DLG2: variants seen among roughly 807,000 people sequenced by gnomAD.
DLG2 encodes discs large MAGUK scaffold protein 2, also known as disks large homolog 2.
DLG2 carries 45 observed loss-of-function variants against 132.5 expected under a neutral mutation model. That is an observed-to-expected ratio of 0.34 (90% CI 0.27 to 0.44). DLG2 has a LOEUF of 0.44. Among genes scored for constraint, DLG2 ranks in the 20% least tolerant of loss-of-function variants. DLG2 has a pLI of 1.00. For synonymous variants in DLG2, 424 were observed against 419.6 expected, an observed-to-expected ratio of 1.01 and a Z score of -0.13; for missense variants, 1,045 against 1,196.9, an observed-to-expected ratio of 0.87 and a Z score of 1.87.
At chr11:85,239,577 T>G (rs1416165692) in intron 4 of DLG2, among the ~76,000 whole-genome samples, 1 of 152,064 alleles carries the variant, frequency 6.6e-6, no homozygotes, top group South Asian at 2.1e-4. Flanking sequence ...ATAAGTGGAC[T>G]CATGCAGTGC....
intron 7 of DLG2, among the ~76,000 whole-genome samples, chr11:84,428,209 C>T (rs149070547): frequency 9.7e-4 from 148 of 152,282 alleles, no homozygotes; most frequent in African/African-American, 3.4e-3. Flanking sequence ...CCTCTCATAG[C>T]TCCTTCAAAA....
chr11:85,495,576 A>G (rs1477880523), intron 3 of DLG2, among the ~76,000 whole-genome samples: 3 of 152,194 alleles, frequency 2.0e-5, no homozygotes, highest in Non-Finnish European at 4.4e-5. Context: ...CAAAACCACA[A>G]TGAGATACCA....
intron 6 of DLG2, among the ~76,000 whole-genome samples, chr11:84,556,857 T>C (rs907609296): frequency 6.6e-6 from 1 of 152,236 alleles, no homozygotes; most frequent in African/African-American, 2.4e-5. Context: ...CTAAGGATAA[T>C]GGCCCTACAT....
chr11:85,275,078 A>G (rs1194328666), intron 4 of DLG2, among the ~76,000 whole-genome samples: 1 of 152,162 alleles, frequency 6.6e-6, no homozygotes, highest in Non-Finnish European at 1.5e-5. Context: ...ATAAATTTGT[A>G]TGCCTTTTCT....
chr11:84,187,426 C>T (rs1189587173), intron 8 of DLG2, among the ~76,000 whole-genome samples: 3 of 151,940 alleles, frequency 2.0e-5, no homozygotes, highest in Non-Finnish European at 2.9e-5. Context: ...AGGTAGTGTA[C>T]TTGTGTGGAT....
Position 83,713,912 on chromosome 11 carries a change from A to G in DLG2, c.1825+72778T>C, listed in dbSNP as rs192632884. Among the ~76,000 whole-genome samples the G allele has an allele frequency of 3.5e-4, 53 of 152,284 alleles. No individual in the cohort carries two copies. The East Asian group carries it at 9.9e-3, about 28-fold the overall frequency. ...TGAAAAGAGCATTGGCTAGGAACAC[A>G]GATGTCTTTTCAGCAGAGAATTAGG... is the stretch of plus-strand genomic sequence containing the variant. On this transcript the variant is annotated intron_variant, in intron 18 of 27. Transcript: ENST00000376104.
intron 4 of DLG2, among the ~76,000 whole-genome samples, chr11:85,176,763 CA>C (rs1284064969): frequency 2.0e-5 from 3 of 151,792 alleles, no homozygotes; most frequent in African/African-American, 7.3e-5. Flanking sequence ...AACAAATTTA[CA>C]AGAAAAAACA....
In DLG2 at chr11:85,083,870, G is replaced by A. The variant is rs554951683; in HGVS notation, c.357+27791C>T. Among the ~76,000 whole-genome samples the A allele has an allele frequency of 4.6e-3, 694 of 152,138 alleles. 4 individuals are homozygous for A. Among genetic ancestry groups the A allele is most frequent in the Non-Finnish European group, 7.2e-3 (490 of 67,988 alleles). ...TGTGCCTAAATTCTAAGGGGAGGAA[G>A]GTATAATGGGGCATGTTGACCACCC... On this transcript the variant is annotated intron_variant, in intron 6 of 27. Coordinates refer to ENST00000376104, the MANE Select transcript of DLG2 (RefSeq NM_001142699.3).
chr11:85,479,774 G>A (rs1483848115), intron 3 of DLG2, among the ~76,000 whole-genome samples: 1 of 152,174 alleles, frequency 6.6e-6, no homozygotes, highest in East Asian at 1.9e-4. Flanking sequence ...TATCAGTAGT[G>A]TTGGTTTCTC....
At chr11:83,466,914 G>A (rs2091138367) in intron 25 of DLG2, 97 bp from the exon 26 acceptor site, 1 of 766,220 alleles carries the variant, frequency 1.3e-6, no homozygotes, top group South Asian at 1.6e-5. Flanking sequence ...GAGGAAGGTA[G>A]GGGATGCTGG....
At chr11:83,854,565 A>C (rs895294564) in intron 16 of DLG2, among the ~76,000 whole-genome samples, 5 of 152,242 alleles carry the variant, frequency 3.3e-5, no homozygotes, top group African/African-American at 7.2e-5. Context: ...AAATAGGTAG[A>C]CACAGACATT....
chr11:84,646,023 G>A (rs1454400162), intron 6 of DLG2, among the ~76,000 whole-genome samples: 3 of 152,144 alleles, frequency 2.0e-5, no homozygotes, highest in East Asian at 1.9e-4. Context: ...CTGAGAAGGG[G>A]GCCAGCTCTG....
chr11:85,119,952 CT>C lies in DLG2; in HGVS notation c.283-8218del, dbSNP rs757651611. On this transcript the variant is annotated intron_variant, in intron 5 of 27. Coordinates refer to ENST00000376104, the MANE Select transcript of DLG2 (RefSeq NM_001142699.3). Reference sequence around the variant, plus strand: ...AGAATAAAGAATTTTAAAAGTTGAGCTTTTGATAAGACATAATTACAACCTA... The same window carrying C: ...AGAATAAAGAATTTTAAAAGTTGAGCTTTGATAAGACATAATTACAACCTA... Among the ~76,000 whole-genome samples the C allele has an allele frequency of 2.0e-5, 3 of 151,922 alleles. No homozygotes were observed. In the East Asian group the frequency reaches 5.8e-4, roughly 29 times the overall value.
chr11:84,479,139 T>C (rs10898242), intron 7 of DLG2, among the ~76,000 whole-genome samples: 54,961 of 151,966 alleles, frequency 0.36, 11,826 homozygotes, highest in African/African-American at 0.6. Flanking sequence ...CTAAGCCTCA[T>C]ACATCATTTA....
intron 9 of DLG2, among the ~76,000 whole-genome samples, chr11:84,120,519 A>G (rs2093859759): frequency 6.6e-6 from 1 of 152,234 alleles, no homozygotes; most frequent in African/African-American, 2.4e-5. Context: ...TAAAGCGGGG[A>G]AAAAGCCCAG....
chr11:84,402,113 C>A (rs1438317620), intron 7 of DLG2, among the ~76,000 whole-genome samples: 1 of 151,994 alleles, frequency 6.6e-6, no homozygotes, highest in Non-Finnish European at 1.5e-5. Context: ...ATGGCTTAAT[C>A]AAAAATTAAA....
At chr11:84,759,919 C>T (rs148728629) in intron 6 of DLG2, among the ~76,000 whole-genome samples, 1 of 152,064 alleles carries the variant, frequency 6.6e-6, no homozygotes, top group African/African-American at 2.4e-5. Flanking sequence ...GGTGGAATTA[C>T]ACCTGTAACA....
chr11:84,484,393 G>C (rs2099145741), intron 7 of DLG2, among the ~76,000 whole-genome samples: 1 of 152,102 alleles, frequency 6.6e-6, no homozygotes, highest in Non-Finnish European at 1.5e-5. Context: ...CAACGTTTGA[G>C]AGATAAATCC....
intron 19 of DLG2, among the ~76,000 whole-genome samples, chr11:83,583,964 G>T (rs967971380): frequency 4.6e-5 from 7 of 152,280 alleles, no homozygotes; most frequent in Middle Eastern, 3.4e-3. Context: ...TCATGAAAAA[G>T]AAATCTGTAT....
Sources: gnomAD v4.1 joint callset for allele counts (sites outside exome capture counted in the v4.1 genomes callset) on GRCh38, gnomAD v4.1.1 for gene constraint, MANE v1.5 for transcripts, NCBI Gene and HGNC (gene_info 2026-07-23, HGNC 2026-07-21) for gene names.